The following MIA2 variants were observed in gnomAD, a reference collection of about 807,000 sequenced individuals.
MIA2 encodes the protein MIA SH3 domain ER export factor 2, also known as melanoma inhibitory activity protein 2.
A neutral mutation model predicts 167.8 loss-of-function variants in MIA2; 127 were observed. The observed-to-expected ratio is 0.76, with a 90% CI of 0.66 to 0.88. The LOEUF (loss-of-function observed/expected upper bound fraction) is 0.88. Among genes scored for constraint, MIA2 ranks in the 40% least tolerant of loss-of-function variants. MIA2 has a pLI of 0.00. For missense variants in MIA2, 1,690 were observed against 1,624.7 expected (o/e 1.04, Z -0.69); for synonymous variants, 552 against 541.9 (o/e 1.02, Z -0.26).
At chr14:39,304,821 C>T (rs912532411) in intron 17 of MIA2, among the ~76,000 whole-genome samples, 1 of 152,030 alleles carries the variant, frequency 6.6e-6, no homozygotes, top group African/African-American at 2.4e-5. Flanking sequence ...TGATGTTAGA[C>T]CTGTAGAAAT....
intron 23 of MIA2, among the ~76,000 whole-genome samples, chr14:39,382,953 G>GTTTTTTTTT (rs10689511): frequency 1.3e-4 from 10 of 75,034 alleles, no homozygotes; most frequent in Admixed American, 3.3e-4. Flanking sequence ...TATGGCCACA[G>GTTTTTTTTT]TTTTTTTTTT....
At chr14:39,302,826 T>C (rs2062742878) in intron 15 of MIA2, among the ~76,000 whole-genome samples, 1 of 152,172 alleles carries the variant, frequency 6.6e-6, no homozygotes. Flanking sequence ...AAATATGGCA[T>C]CATAGGAAGT....
chr14:39,304,231 A>AT (rs3831108), intron 16 of MIA2, 60 bp from the exon 17 acceptor site: 664,267 of 735,972 alleles, frequency 0.9, 301,828 homozygotes, highest in East Asian at 0.97. Context: ...TTTATTTTTT[A>AT]TTTTTATTTT....
At position 39,256,178 on chromosome 14, in the gene MIA2, C is replaced by T. The variant is rs185771624; in HGVS notation, c.1887+3007C>T. Among the ~76,000 whole-genome samples, 8 of 152,294 alleles carry T rather than the reference C, an allele frequency of 5.3e-5. No homozygotes were observed. The East Asian group carries it at 1.5e-3, about 29-fold the overall frequency. The stretch of plus-strand genomic sequence containing the variant: ...GTGCTTGCTTACATAGACATGGACT[C>T]TCCATTTTCCTACATTTATGTCAAC... On this transcript the variant is annotated intron_variant, in intron 6 of 28. Coordinates refer to ENST00000640607, the MANE Select transcript of MIA2 (RefSeq NM_001329214.4).
intron 3 of MIA2, among the ~76,000 whole-genome samples, chr14:39,243,628 G>C (rs931543736): frequency 6.6e-6 from 1 of 152,232 alleles, no homozygotes; most frequent in Non-Finnish European, 1.5e-5. Flanking sequence ...CAGTTTGGGA[G>C]GCCAAGGCAG....
chr14:39,294,390 G>A (rs1043448196), intron 12 of MIA2, among the ~76,000 whole-genome samples: 1 of 151,846 alleles, frequency 6.6e-6, no homozygotes, highest in Non-Finnish European at 1.5e-5. Context: ...TAGAGGCAGG[G>A]TTTCACCATG....
chr14:39,288,448 TATATATATATATATA>T (rs1239876334), intron 9 of MIA2, among the ~76,000 whole-genome samples: 8,977 of 34,486 alleles, frequency 0.26, 2,070 homozygotes, highest in Non-Finnish European at 0.32. Flanking sequence ...TATATATATA[TATATATATATATATA>T]TATATATATA....
At chr14:39,328,917 A>G (rs1298008711) in intron 25 of MIA2, among the ~76,000 whole-genome samples, 1 of 151,766 alleles carries the variant, frequency 6.6e-6, no homozygotes, top group East Asian at 1.9e-4. Context: ...CCAGCTTTGT[A>G]TTTTTTGCTT....
chr14:39,356,974 A>T (rs559860940), intron 23 of MIA2, among the ~76,000 whole-genome samples: 1 of 152,148 alleles, frequency 6.6e-6, no homozygotes, highest in Non-Finnish European at 1.5e-5. Flanking sequence ...ACTTCCAACT[A>T]TGTGGTCGGT....
At chr14:39,377,789 A>G (rs78754347) in intron 23 of MIA2, among the ~76,000 whole-genome samples, 16 of 151,700 alleles carry the variant, frequency 1.1e-4, no homozygotes, top group African/African-American at 3.6e-4. Flanking sequence ...GCTTTGCTGG[A>G]AACTTTTTTT....
intron 23 of MIA2, among the ~76,000 whole-genome samples, chr14:39,376,699 G>C (rs2075052308): frequency 6.6e-6 from 1 of 152,328 alleles, no homozygotes; most frequent in African/African-American, 2.4e-5. Context: ...CCAGGAGACA[G>C]ATCTGTGCCT....
At chr14:39,360,403 A>T (rs2074654179) in intron 23 of MIA2, among the ~76,000 whole-genome samples, 1 of 150,586 alleles carries the variant, frequency 6.6e-6, no homozygotes. Context: ...CCTGTTGGCC[A>T]TTTGTATGTC....
In MIA2 at chr14:39,323,949, T is replaced by A. The variant is rs143891789; in HGVS notation, c.3496+2893T>A. ...TAAGTTGTCATCGGGTCTTACAGAG[T>A]TGATCCGAACTAAAAGTTTCTATGA... is the stretch of plus-strand genomic sequence containing the variant. On this transcript the variant is annotated intron_variant, in intron 24 of 28. Transcript: ENST00000640607. Among the ~76,000 whole-genome samples, 461 of 152,294 alleles carry A rather than the reference T, an allele frequency of 3.0e-3. 3 individuals are homozygous for A. The highest frequency in any genetic ancestry group is 0.01 in the African/African-American group (424 of 41,570).
chr14:39,386,571 T>C (rs1413850671), intron 23 of MIA2: 1 of 1,146,994 alleles, frequency 8.7e-7, no homozygotes, highest in Non-Finnish European at 1.3e-6. Flanking sequence ...CTCTTTGTTA[T>C]CATCACCTGC....
chr14:39,309,798 A>G (rs1318035509), intron 18 of MIA2, among the ~76,000 whole-genome samples: 1 of 152,188 alleles, frequency 6.6e-6, no homozygotes, highest in African/African-American at 2.4e-5. Flanking sequence ...ATGTTTGTTG[A>G]ATATATGTAC....
chr14:39,387,150 G>A, exon 24 of MIA2: 1 of 524,312 alleles, frequency 1.9e-6, no homozygotes, highest in Non-Finnish European at 3.4e-6. Context: ...TATTGTTTAA[G>A]GAATACATTT....
chr14:39,279,672 T>C (rs951907020), intron 9 of MIA2, 135 bp downstream of exon 9: 2 of 615,942 alleles, frequency 3.2e-6, no homozygotes, highest in African/African-American at 3.7e-5. Context: ...GCTCTTCATA[T>C]TCAACACTTA....
intron 23 of MIA2, among the ~76,000 whole-genome samples, chr14:39,368,269 G>C (rs1023108633): frequency 1.3e-5 from 2 of 152,214 alleles, no homozygotes; most frequent in Non-Finnish European, 2.9e-5. Context: ...TGAATGGAGA[G>C]AGAGAAGGAA....
At chr14:39,354,441 T>A (rs1296734664), downstream of MIA2, among the ~76,000 whole-genome samples, 3 of 152,184 alleles carry the variant, frequency 2.0e-5, no homozygotes, top group Non-Finnish European at 4.4e-5. Context: ...GTTTGAGTTC[T>A]TTGTAGATTC....
Sources: gnomAD v4.1 joint callset for allele counts (sites outside exome capture counted in the v4.1 genomes callset) on GRCh38, gnomAD v4.1.1 for gene constraint, MANE v1.5 for transcripts, NCBI Gene and HGNC (gene_info 2026-07-23, HGNC 2026-07-21) for gene names.